Variants in RBFOX1 observed in about 807,000 individuals in gnomAD.
RBFOX1 encodes RNA binding protein fox-1 homolog 1.
RBFOX1 carries 8 observed loss-of-function variants against 57.7 expected under a neutral mutation model. That is an observed-to-expected ratio of 0.14 (90% CI 0.08 to 0.25). The LOEUF is 0.25. Ranked by LOEUF, RBFOX1 falls within the 10% of genes least tolerant of loss-of-function variation. The pLI, the probability that RBFOX1 is intolerant of heterozygous loss-of-function variation, is 1.00. For synonymous variants in RBFOX1, 326 were observed against 222.4 expected (o/e 1.47, Z -4.15); for missense variants, 611 against 548.5 (o/e 1.11, Z -1.14).
At chr16:6,159,640 C>T (rs575725754) in intron 1 of RBFOX1, among the ~76,000 whole-genome samples, 7 of 152,304 alleles carry the variant, frequency 4.6e-5, no homozygotes, top group Admixed American at 2.0e-4. Flanking sequence ...GACCTTCCCA[C>T]GTCTCAGACA....
chr16:5,377,594 G>T (rs1417596070), intron 1 of RBFOX1, among the ~76,000 whole-genome samples: 2 of 150,566 alleles, frequency 1.3e-5, no homozygotes, highest in Non-Finnish European at 1.5e-5. Context: ...GGGGGAGAGA[G>T]AGAGAAAGAA....
intron 3 of RBFOX1, among the ~76,000 whole-genome samples, chr16:6,684,468 C>G (rs2154125700): frequency 6.6e-6 from 1 of 152,312 alleles, no homozygotes; most frequent in African/African-American, 2.4e-5. Flanking sequence ...CACGGCAAAC[C>G]TCCTGAACTT....
intron 4 of RBFOX1, among the ~76,000 whole-genome samples, chr16:7,190,936 C>G (rs1230115806): frequency 1.3e-5 from 2 of 149,542 alleles, no homozygotes; most frequent in African/African-American, 4.9e-5. Flanking sequence ...TTTTTTTTTT[C>G]CTGGACTTCT....
chr16:7,269,591 T>C (rs2153107174), intron 4 of RBFOX1, among the ~76,000 whole-genome samples: 1 of 152,322 alleles, frequency 6.6e-6, no homozygotes, highest in African/African-American at 2.4e-5. Flanking sequence ...CCATGAATCA[T>C]TTTGGGAAAT....
intron 3 of RBFOX1, among the ~76,000 whole-genome samples, chr16:7,007,371 A>G (rs898706041): frequency 6.6e-6 from 1 of 152,180 alleles, no homozygotes; most frequent in African/African-American, 2.4e-5. Context: ...CAGCTGGAGA[A>G]AGTCTTGTGT....
At chr16:7,341,712 TTCCTTCCCTCCCTCCCTCCC>T (rs1170217392) in intron 4 of RBFOX1, among the ~76,000 whole-genome samples, 56 of 146,498 alleles carry the variant, frequency 3.8e-4, no homozygotes, top group African/African-American at 8.9e-4. Flanking sequence ...CCTTCCTTCC[TTCCTTCCCTCCCTCCCTCCC>T]TCCTTCCCTC....
chr16:6,674,726 A>G (rs1186216395), intron 3 of RBFOX1, among the ~76,000 whole-genome samples: 14 of 152,184 alleles, frequency 9.2e-5, no homozygotes. Context: ...TGCACATACA[A>G]GCCAAGGAGC....
intron 2 of RBFOX1, among the ~76,000 whole-genome samples, chr16:6,328,878 T>G (rs2082681115): frequency 6.6e-6 from 1 of 152,088 alleles, no homozygotes; most frequent in African/African-American, 2.4e-5. Context: ...GAAAACCTTG[T>G]GCTCTGATAA....
chr16:5,475,486 C>A (rs1265294708), intron 2 of RBFOX1, among the ~76,000 whole-genome samples: 2 of 152,224 alleles, frequency 1.3e-5, no homozygotes, highest in Admixed American at 6.5e-5. Flanking sequence ...GCACCTTCTT[C>A]CAACCTCTTC....
intron 14 of RBFOX1, among the ~76,000 whole-genome samples, chr16:7,703,421 C>G (rs1263046049): frequency 6.6e-6 from 1 of 152,126 alleles, no homozygotes; most frequent in Non-Finnish European, 1.5e-5. Context: ...TTTCACTCAT[C>G]TTTCTGCTCC....
intron 1 of RBFOX1, among the ~76,000 whole-genome samples, chr16:6,022,430 C>T (rs182687875): frequency 6.6e-5 from 10 of 152,150 alleles, no homozygotes; most frequent in African/African-American, 2.4e-4. Flanking sequence ...CCTGTAATCC[C>T]ATCACTCTGG....
chr16:5,656,990 T>C (rs1196025568), intron 3 of RBFOX1, among the ~76,000 whole-genome samples: 1 of 152,128 alleles, frequency 6.6e-6, no homozygotes, highest in East Asian at 1.9e-4. Flanking sequence ...CGTGCGGGGC[T>C]TAAAACCTAG....
chr16:7,068,344 A>T (rs192562586), intron 4 of RBFOX1, among the ~76,000 whole-genome samples: 3 of 152,142 alleles, frequency 2.0e-5, no homozygotes, highest in African/African-American at 4.8e-5. Context: ...GTGTTCTGGG[A>T]TGGTCCACCT....
chr16:7,122,919 A>T (rs1032869512), intron 4 of RBFOX1, among the ~76,000 whole-genome samples: 1 of 152,198 alleles, frequency 6.6e-6, no homozygotes, highest in Non-Finnish European at 1.5e-5. Context: ...TTTCAAAAGC[A>T]TTATGCTAAG....
chr16:6,637,385 A>ATAT (rs1163083240), intron 2 of RBFOX1, among the ~76,000 whole-genome samples: 1 of 14,718 alleles, frequency 6.8e-5, no homozygotes, highest in African/African-American at 1.4e-4. Flanking sequence ...ATATACAAAT[A>ATAT]TATATTATAT....
chr16:7,102,537 T>C (rs1306964384), intron 4 of RBFOX1, among the ~76,000 whole-genome samples: 1 of 152,202 alleles, frequency 6.6e-6, no homozygotes, highest in Non-Finnish European at 1.5e-5. Context: ...TTCATTAAAT[T>C]CCCTTTAAGG....
chr16:7,199,466 C>T (rs190121172), intron 4 of RBFOX1, among the ~76,000 whole-genome samples: 7 of 152,242 alleles, frequency 4.6e-5, no homozygotes, highest in East Asian at 3.9e-4. Context: ...TTTCAGGCAG[C>T]GTACGCCTGA....
chr16:7,563,888 C>G (rs1408222247), intron 5 of RBFOX1, among the ~76,000 whole-genome samples: 1 of 152,168 alleles, frequency 6.6e-6, no homozygotes, highest in Non-Finnish European at 1.5e-5. Context: ...AGACACCAAC[C>G]TCCAACCCTG....
chr16:6,595,232 A>G (rs2097765542), intron 2 of RBFOX1, among the ~76,000 whole-genome samples: 1 of 152,174 alleles, frequency 6.6e-6, no homozygotes, highest in Admixed American at 6.5e-5. Context: ...CCCACCCTGT[A>G]GCCCTACACA....
Sources: gnomAD v4.1 joint callset for allele counts (sites outside exome capture counted in the v4.1 genomes callset) on GRCh38, gnomAD v4.1.1 for gene constraint, MANE v1.5 for transcripts, NCBI Gene and HGNC (gene_info 2026-07-23, HGNC 2026-07-21) for gene names.